The following UACA variants were observed in gnomAD, a reference collection of about 807,000 sequenced individuals.
UACA encodes the protein nuclear membrane binding protein.
A neutral mutation model predicts 160.5 loss-of-function variants in UACA; 112 were observed. The ratio of observed to expected loss-of-function variants is 0.70; its 90% CI spans 0.60 to 0.82. UACA has a LOEUF of 0.82. Ranked by LOEUF, UACA falls within the 40% of genes least tolerant of loss-of-function variation. The probability of loss-of-function intolerance (pLI) is 0.00; values close to 1 mark genes in which losing one functional copy is unlikely to be tolerated. For missense variants in UACA, 1,574 were observed against 1,614.6 expected, an observed-to-expected ratio of 0.97 and a Z score of 0.43; for synonymous variants, 557 against 568.4, an observed-to-expected ratio of 0.98 and a Z score of 0.29.
At chr15:70,767,108 C>T (rs1209714683), upstream of UACA, among the ~76,000 whole-genome samples, 3 of 151,456 alleles carry the variant, frequency 2.0e-5, no homozygotes, top group Non-Finnish European at 4.4e-5. Context: ...GGCGTGGTGG[C>T]AGGCACCTGT....
chr15:70,657,854 GGAGGATCACTT>G (rs1429070918), intron 18 of UACA, among the ~76,000 whole-genome samples: 1 of 152,054 alleles, frequency 6.6e-6, no homozygotes, highest in Non-Finnish European at 1.5e-5. Flanking sequence ...GGCCAAGGTG[GGAGGATCACTT>G]GAGGCCAGGA....
At chr15:70,678,587 T>C (rs1365301092) in intron 10 of UACA, among the ~76,000 whole-genome samples, 1 of 152,198 alleles carries the variant, frequency 6.6e-6, no homozygotes, top group Non-Finnish European at 1.5e-5. Flanking sequence ...ATCATCATTT[T>C]CAGTGCTCTG....
chr15:70,773,696 G>T, the UACA span, among the ~76,000 whole-genome samples: 1 of 152,144 alleles, frequency 6.6e-6, no homozygotes, highest in Non-Finnish European at 1.5e-5. Flanking sequence ...ATTTTCTCAT[G>T]AATCATGATC....
At chr15:70,751,450 T>A (rs1015280739) in intron 1 of UACA, among the ~76,000 whole-genome samples, 2 of 152,212 alleles carry the variant, frequency 1.3e-5, no homozygotes, top group African/African-American at 4.8e-5. Flanking sequence ...GTAAGACTTT[T>A]CAGTTAGCAA....
intron 1 of UACA, among the ~76,000 whole-genome samples, chr15:70,751,082 A>T (rs2030023139): frequency 6.6e-6 from 1 of 151,618 alleles, no homozygotes; most frequent in East Asian, 2.0e-4. Flanking sequence ...AGCTTATCCT[A>T]CAAAAAAAAC....
At chr15:70,721,778 T>A (rs901552283) in intron 1 of UACA, among the ~76,000 whole-genome samples, 9 of 152,170 alleles carry the variant, frequency 5.9e-5, no homozygotes, top group Admixed American at 1.3e-4. Flanking sequence ...CTGCCAACAT[T>A]ACACAGTTAC....
At chr15:70,699,438 A>G in intron 2 of UACA, 89 bp downstream of exon 2, 1 of 1,437,540 alleles carries the variant, frequency 7.0e-7, no homozygotes, top group Non-Finnish European at 9.5e-7. Flanking sequence ...TTAATAAGTA[A>G]GTTGATAACT....
chr15:70,775,165 C>T, the UACA span, among the ~76,000 whole-genome samples: 2 of 152,302 alleles, frequency 1.3e-5, no homozygotes, highest in East Asian at 3.9e-4. Flanking sequence ...GAAGAAGAGA[C>T]TCAACCAGTA....
intron 1 of UACA, among the ~76,000 whole-genome samples, chr15:70,760,961 C>G (rs2030717538): frequency 6.6e-6 from 1 of 152,150 alleles, no homozygotes; most frequent in Non-Finnish European, 1.5e-5. Context: ...GGAAACTTGA[C>G]AACATCCTTC....
chr15:70,691,244 C>T, intron 4 of UACA, 55 bp downstream of exon 4: 9 of 1,261,076 alleles, frequency 7.1e-6, no homozygotes, highest in African/African-American at 1.5e-5. Flanking sequence ...ATTAAAAGTA[C>T]ATCTATGATT....
intron 7 of UACA, among the ~76,000 whole-genome samples, chr15:70,685,715 G>A (rs1471050833): frequency 1.3e-5 from 2 of 151,978 alleles, no homozygotes; most frequent in Non-Finnish European, 2.9e-5. Context: ...AAATGTGAGA[G>A]CTATAAAAAA....
At chr15:70,660,122 T>G in intron 18 of UACA, 29 bp downstream of exon 18, 1 of 1,568,766 alleles carries the variant, frequency 6.4e-7, no homozygotes, top group Non-Finnish European at 8.7e-7. Context: ...TAAAGCAATA[T>G]TCTTTCCAAA....
intron 1 of UACA, among the ~76,000 whole-genome samples, chr15:70,720,761 A>T (rs994995901): frequency 4.6e-5 from 7 of 152,216 alleles, no homozygotes; most frequent in African/African-American, 1.7e-4. Flanking sequence ...AGATTATATT[A>T]CTGTTTGGTA....
intron 1 of UACA, chr15:70,703,299 A>G (rs1170272154): frequency 1.6e-6 from 2 of 1,281,094 alleles, no homozygotes; most frequent in Non-Finnish European, 2.0e-6. Context: ...ACATTCCAAC[A>G]CAAGTGTTTA....
rs1041492701 is a variant in UACA, at chr15:70,726,847, T to C, written c.79-27187A>G. 3.3e-5 allele frequency among the ~76,000 whole-genome samples: 5 copies of C among 152,080 alleles called. No homozygotes were observed. In the East Asian group the frequency reaches 5.8e-4, roughly 18 times the overall value. ...ACAAAGGAAATCTCACAGGAAATAA[T>C]GGGAACCACAACTGAGCTGAGCCCT... On this transcript the variant is annotated intron_variant, in intron 1 of 18. Transcript: ENST00000322954.
intron 1 of UACA, among the ~76,000 whole-genome samples, chr15:70,762,700 C>T (rs189994719): frequency 1.6e-4 from 24 of 152,344 alleles, no homozygotes; most frequent in Admixed American, 1.6e-3. Flanking sequence ...CTAGGGTCAC[C>T]ACCCTGTGGG....
chr15:70,663,882 G>T (rs1422635048), intron 17 of UACA, among the ~76,000 whole-genome samples: 4 of 107,786 alleles, frequency 3.7e-5, no homozygotes, highest in African/African-American at 1.1e-4. Context: ...GGTGGGGGGA[G>T]GGGGGAGGGA....
chr15:70,757,835 C>A (rs1245707491), intron 1 of UACA, among the ~76,000 whole-genome samples: 1 of 152,156 alleles, frequency 6.6e-6, no homozygotes, highest in Non-Finnish European at 1.5e-5. Context: ...GCTCCAGAGT[C>A]CTAATCTTTG....
At chr15:70,725,495 T>C (rs1333202808) in intron 1 of UACA, among the ~76,000 whole-genome samples, 1 of 152,180 alleles carries the variant, frequency 6.6e-6, no homozygotes, top group Non-Finnish European at 1.5e-5. Flanking sequence ...ACATTTGCCA[T>C]CAATGGTTGT....
Sources: gnomAD v4.1 joint callset for allele counts (sites outside exome capture counted in the v4.1 genomes callset) on GRCh38, gnomAD v4.1.1 for gene constraint, MANE v1.5 for transcripts, NCBI Gene and HGNC (gene_info 2026-07-23, HGNC 2026-07-21) for gene names.